TMEM132B: variants seen among roughly 807,000 people sequenced by gnomAD.
The protein encoded by TMEM132B is transmembrane protein 132B.
Under a neutral mutation model 90.8 loss-of-function variants are expected in TMEM132B, and 18 were observed. The ratio of observed to expected loss-of-function variants is 0.20; its 90% CI spans 0.14 to 0.29. The LOEUF (loss-of-function observed/expected upper bound fraction) is 0.29. Among genes scored for constraint, TMEM132B ranks in the 10% least tolerant of loss-of-function variants. The pLI is 1.00. For synonymous variants in TMEM132B, 504 were observed against 523.3 expected (o/e 0.96, Z 0.50); for missense variants, 1,096 against 1,326.8 (o/e 0.83, Z 2.70).
intron 1 of TMEM132B, among the ~76,000 whole-genome samples, chr12:125,274,722 A>C (rs34906588): frequency 0.25 from 37,463 of 152,128 alleles, 5,749 homozygotes; most frequent in Non-Finnish European, 0.32. Context: ...ATCTTTGTCT[A>C]TTTTAGTTGG....
chr12:125,585,558 G>C (rs570142535), intron 5 of TMEM132B: 6 of 152,294 alleles, frequency 3.9e-5, no homozygotes, highest in African/African-American at 1.4e-4. Flanking sequence ...TCAGTCTGTA[G>C]TTTCCTAAGC....
In TMEM132B at chr12:125,658,111, G is replaced by A. The variant is rs1887113758; in HGVS notation, c.*3401G>A. The A allele has an allele frequency of 6.6e-6, 1 of 152,198 alleles. No homozygotes were observed. Among genetic ancestry groups the A allele is most frequent in the Admixed American group, 6.5e-5 (1 of 15,280 alleles). The allele number at this position is 152,198 out of a possible 1,614,324, so 9.4% of individuals were successfully genotyped here. A position where few individuals can be genotyped will look rare whatever the true frequency, so the allele number is the denominator to read the frequency against. ...AGAAGGAATAATTGTCTTTCTAGCT[G>A]TTATATATTGCACACTGGCCAGGAT... On this transcript the variant is annotated 3_prime_UTR_variant, in exon 9 of 9. Coordinates refer to ENST00000682704, the MANE Select transcript of TMEM132B (RefSeq NM_001366854.1).
intron 2 of TMEM132B, among the ~76,000 whole-genome samples, chr12:125,371,317 T>G (rs796492266): frequency 7.9e-5 from 12 of 152,294 alleles, no homozygotes; most frequent in African/African-American, 2.6e-4. Flanking sequence ...CCCAGATAGA[T>G]GCAGAGACAA....
intron 5 of TMEM132B, among the ~76,000 whole-genome samples, chr12:125,598,837 A>C (rs1039596189): frequency 2.0e-5 from 3 of 151,570 alleles, no homozygotes; most frequent in African/African-American, 7.3e-5. Context: ...CCCCTAATAG[A>C]GGGGGTGTGC....
At chr12:125,297,868 GTTC>G (rs1431108747) in intron 1 of TMEM132B, among the ~76,000 whole-genome samples, 3 of 152,148 alleles carry the variant, frequency 2.0e-5, no homozygotes, top group Non-Finnish European at 4.4e-5. Context: ...CTCTGCTGTG[GTTC>G]TTCCTCCTCT....
chr12:125,610,191 T>C (rs1168368362), intron 5 of TMEM132B, among the ~76,000 whole-genome samples: 1 of 152,162 alleles, frequency 6.6e-6, no homozygotes, highest in African/African-American at 2.4e-5. Context: ...TGAGAGATAA[T>C]TCACTTTTTC....
intron 2 of TMEM132B, among the ~76,000 whole-genome samples, chr12:125,381,441 C>G (rs1427005863): frequency 6.6e-6 from 1 of 152,182 alleles, no homozygotes; most frequent in East Asian, 1.9e-4. Flanking sequence ...TACAAGGACC[C>G]TCAGAATTGT....
chr12:125,251,514 C>A lies in TMEM132B; in HGVS notation c.67+64648C>A, dbSNP rs539789704. Among the ~76,000 whole-genome samples, 1 of 152,172 alleles carries A rather than the reference C, an allele frequency of 6.6e-6. No homozygotes were observed. The highest frequency in any genetic ancestry group is 1.5e-5 in the Non-Finnish European group (1 of 68,034). On this transcript the variant is annotated intron_variant, in intron 1 of 8. Coordinates refer to ENST00000682704, the MANE Select transcript of TMEM132B (RefSeq NM_001366854.1). The surrounding 1 kb of genome is among the most constrained non-coding windows in gnomAD (Gnocchi z 4.4). The stretch of plus-strand genomic sequence containing the variant: ...GGAAGAAGTCTGGGTTTAAGAAATT[C>A]GCTGCTCTCTGCCTATCTTTGAACT...
At position 125,349,170 on chromosome 12, in the gene TMEM132B, CAAGCAGCAG is replaced by C. The variant is rs1232417062; in HGVS notation, c.68-276_68-268del. 6.6e-6 allele frequency among the ~76,000 whole-genome samples: 1 copy of C among 152,182 alleles called. No homozygotes were observed. The highest frequency in any genetic ancestry group is 2.4e-5 in the African/African-American group (1 of 41,438). On this transcript the variant is annotated intron_variant, in intron 1 of 8. Coordinates refer to ENST00000682704, the MANE Select transcript of TMEM132B (RefSeq NM_001366854.1). This position sits in a 1 kb window ranked among gnomAD's most constrained non-coding sequence, Gnocchi z 4.1. ...GATCTTTTGAGTTTATGATTTCGCACAAGCAGCAGAAGCAATGTTTTCCCTTTAGAAAGA... is the reference window on the plus strand; with the variant it reads ...GATCTTTTGAGTTTATGATTTCGCACAAGCAATGTTTTCCCTTTAGAAAGA...
At chr12:125,416,218 G>A (rs1233114438) in intron 3 of TMEM132B, among the ~76,000 whole-genome samples, 1 of 151,892 alleles carries the variant, frequency 6.6e-6, no homozygotes, top group African/African-American at 2.4e-5. Context: ...CCTCACATCA[G>A]GACATCTGGC....
chr12:125,221,139 G>A (rs1029926405), intron 1 of TMEM132B, among the ~76,000 whole-genome samples: 1 of 152,234 alleles, frequency 6.6e-6, no homozygotes, highest in Non-Finnish European at 1.5e-5. Context: ...CTGTCCAGCT[G>A]ATGTGACATA....
chr12:125,461,730 T>C (rs1881440736), intron 3 of TMEM132B, among the ~76,000 whole-genome samples: 1 of 152,200 alleles, frequency 6.6e-6, no homozygotes, highest in Non-Finnish European at 1.5e-5. Context: ...GACTCTGTTG[T>C]TTTCTTCTCT....
chr12:125,525,458 CA>C (rs899329855), intron 4 of TMEM132B, among the ~76,000 whole-genome samples: 2 of 152,192 alleles, frequency 1.3e-5, no homozygotes, highest in African/African-American at 4.8e-5. Flanking sequence ...TCCCTTCCGC[CA>C]TGCGAGGACA....
rs147451543 is a variant in TMEM132B, at chr12:125,532,509, G to A, written c.1293+12884G>A. 2.6e-3 allele frequency among the ~76,000 whole-genome samples: 394 copies of A among 150,304 alleles called. 2 individuals are homozygous for A. The highest frequency in any genetic ancestry group is 9.1e-3 in the African/African-American group (376 of 41,206). ...CCCCTTAAAGGTAGTAAAATAATCA[G>A]GAAGCTGTATTTTTTTTTTTTTCGA... On this transcript the variant is annotated intron_variant, in intron 4 of 8. Coordinates refer to ENST00000682704, the MANE Select transcript of TMEM132B (RefSeq NM_001366854.1).
At chr12:125,642,204 C>T (rs1231183313) in intron 5 of TMEM132B, among the ~76,000 whole-genome samples, 1 of 152,172 alleles carries the variant, frequency 6.6e-6, no homozygotes, top group Non-Finnish European at 1.5e-5. Flanking sequence ...CAGTCAGGCT[C>T]AGCATTGTGT....
intron 1 of TMEM132B, among the ~76,000 whole-genome samples, chr12:125,279,330 G>A (rs148320085): frequency 1.6e-3 from 240 of 152,342 alleles, no homozygotes; most frequent in Middle Eastern, 0.01. Context: ...TTGACCTTTG[G>A]CTGGTGTTTG....
chr12:125,300,284 C>T (rs560174196), intron 1 of TMEM132B, among the ~76,000 whole-genome samples: 2 of 152,322 alleles, frequency 1.3e-5, no homozygotes, highest in South Asian at 4.1e-4. Context: ...AGTCCTCCCA[C>T]TTCAGCCTCC....
At chr12:125,219,681 T>C (rs1410366279) in intron 1 of TMEM132B, among the ~76,000 whole-genome samples, 4 of 152,224 alleles carry the variant, frequency 2.6e-5, no homozygotes, top group Admixed American at 1.3e-4. Flanking sequence ...CCAAGAGCCC[T>C]AGCTGAGACT....
At chr12:125,520,459 C>A (rs954097374) in intron 4 of TMEM132B, among the ~76,000 whole-genome samples, 1 of 152,160 alleles carries the variant, frequency 6.6e-6, no homozygotes, top group African/African-American at 2.4e-5. Flanking sequence ...AAAGTTGAGA[C>A]TCCTTTGAAC....
Sources: allele counts gnomAD v4.1 joint callset (sites outside exome capture counted in the v4.1 genomes callset), GRCh38; gene constraint gnomAD v4.1.1; non-coding constraint Gnocchi (gnomAD v3.1); transcripts MANE v1.5; gene names NCBI Gene and HGNC (gene_info 2026-07-23, HGNC 2026-07-21).